RBFOX3: variants seen among roughly 807,000 people sequenced by gnomAD.
RBFOX3 encodes RNA binding fox-1 homolog 3, also known as RNA binding protein fox-1 homolog 3.
Under a neutral mutation model 48.7 loss-of-function variants are expected in RBFOX3, and 17 were observed. That is an observed-to-expected ratio of 0.35 (90% CI 0.24 to 0.52). The LOEUF is 0.52. Among genes scored for constraint, RBFOX3 ranks in the 20% least tolerant of loss-of-function variants. The pLI is 0.94. For missense variants in RBFOX3, 382 were observed against 497.5 expected (o/e 0.77, Z 2.21); for synonymous variants, 212 against 209.5 (o/e 1.01, Z -0.10).
intron 4 of RBFOX3, among the ~76,000 whole-genome samples, chr17:79,167,473 A>G (rs1348186327): frequency 6.6e-6 from 1 of 151,868 alleles, no homozygotes; most frequent in Non-Finnish European, 1.5e-5. Context: ...CCTTGGCTCT[A>G]GTGGGGCCGC....
intron 4 of RBFOX3, among the ~76,000 whole-genome samples, chr17:79,143,380 T>TGGGGGGGGGGG (rs201977497): frequency 2.1e-4 from 5 of 23,266 alleles, no homozygotes; most frequent in African/African-American, 4.2e-4. Flanking sequence ...GAGCGGGGGG[T>TGGGGGGGGGGG]GGGGGGGGGT....
the RBFOX3 span, among the ~76,000 whole-genome samples, chr17:79,647,715 A>G: frequency 6.6e-6 from 1 of 152,274 alleles, no homozygotes; most frequent in East Asian, 1.9e-4. Flanking sequence ...GGCACAGCGC[A>G]TGACCAGGGC....
At chr17:79,170,124 A>AAGGGAGG (rs2048885143) in intron 4 of RBFOX3, among the ~76,000 whole-genome samples, 3 of 143,938 alleles carry the variant, frequency 2.1e-5, no homozygotes, top group African/African-American at 8.1e-5. Context: ...GGAAGGAAGG[A>AAGGGAGG]AGGAAGGAGG....
At chr17:79,277,006 T>A (rs2144121158) in intron 3 of RBFOX3, among the ~76,000 whole-genome samples, 2 of 152,326 alleles carry the variant, frequency 1.3e-5, no homozygotes, top group Middle Eastern at 3.4e-3. Context: ...AGTGAGCACA[T>A]GATGACGTCA....
rs1329985576 is a variant in RBFOX3, at chr17:79,418,642, G to T, written c.-175+63812C>A. 6.6e-6 allele frequency among the ~76,000 whole-genome samples: 1 copy of T among 152,218 alleles called. No individual in the cohort carries two copies. On this transcript the variant is annotated intron_variant, in intron 2 of 14. Transcript: ENST00000693108. The surrounding 1 kb of genome is among the most constrained non-coding windows in gnomAD (Gnocchi z 5.0). ...TCTGGGAGAAAATCAGGAAGTGGCAGACTAAGACCAAGACAGAGAGGGATG... is the reference window on the plus strand; with the variant it reads ...TCTGGGAGAAAATCAGGAAGTGGCATACTAAGACCAAGACAGAGAGGGATG...
chr17:79,412,618 G>C (rs533911703), intron 2 of RBFOX3, among the ~76,000 whole-genome samples: 2 of 150,956 alleles, frequency 1.3e-5, no homozygotes, highest in Admixed American at 6.6e-5. Flanking sequence ...ATGGTGTTAT[G>C]TGTGTGTGAA....
rs143501416 is a variant in RBFOX3, at chr17:79,381,990, T to C, written c.-174-74166A>G. On this transcript the variant is annotated intron_variant, in intron 2 of 14. Transcript: ENST00000693108. ...TCTCCAAGGACAGCTCAGTGCTCCA[T>C]GCACTCCGATACCCTTCCAACAGCA... Among the ~76,000 whole-genome samples the C allele has an allele frequency of 3.6e-3, 550 of 152,290 alleles. 5 individuals carry two copies. Among genetic ancestry groups the C allele is most frequent in the African/African-American group, 0.013 (532 of 41,568 alleles).
chr17:79,254,191 T>C lies in RBFOX3; in HGVS notation c.-73-18386A>G, dbSNP rs2064412885. 6.6e-6 allele frequency among the ~76,000 whole-genome samples: 1 copy of C among 152,150 alleles called. No individual in the cohort carries two copies. Among genetic ancestry groups the C allele is most frequent in the Non-Finnish European group, 1.5e-5 (1 of 68,022 alleles). The stretch of plus-strand genomic sequence containing the variant: ...GAAGTCATTTGCTGAGTTTTGCAGT[T>C]CATGAGAGTGAAAGTGATTTTCCAG... On this transcript the variant is annotated intron_variant, in intron 3 of 14. Transcript: ENST00000693108. This position sits in a 1 kb window ranked among gnomAD's most constrained non-coding sequence, Gnocchi z 4.8.
At chr17:79,484,061 G>A (rs1233342132) in intron 1 of RBFOX3, among the ~76,000 whole-genome samples, 1 of 152,214 alleles carries the variant, frequency 6.6e-6, no homozygotes, top group African/African-American at 2.4e-5. Flanking sequence ...ATTAGCCTGA[G>A]AGACTGTCTC....
chr17:79,463,230 C>A (rs1555750536), intron 2 of RBFOX3, among the ~76,000 whole-genome samples: 1 of 140,340 alleles, frequency 7.1e-6, no homozygotes, highest in Non-Finnish European at 1.6e-5. Context: ...GCCATCGCCA[C>A]TGCCACTGCC....
rs1555774639 is a variant in RBFOX3, at chr17:79,495,578, T to TGCGGGAAG, written c.-319-12981_-319-12980insCTTCCCGC. Among the ~76,000 whole-genome samples the TGCGGGAAG allele has an allele frequency of 2.2e-3, 15 of 6,824 alleles. 1 individual carries two copies. Among genetic ancestry groups the TGCGGGAAG allele is most frequent in the African/African-American group, 0.011 (11 of 1,022 alleles). The allele number at this position is 6,824 out of a possible 152,430, so 4.5% of individuals were successfully genotyped here. ...GGGGTACTGGGGGCAGGGATGGGGA[T>TGCGGGAAG]GTGGGAAGGTGGGGGAGGGGTACAG... On this transcript the variant is annotated intron_variant, in intron 1 of 14. Transcript: ENST00000693108.
At chr17:79,141,804 C>G (rs200919920) in intron 4 of RBFOX3, among the ~76,000 whole-genome samples, 2 of 152,100 alleles carry the variant, frequency 1.3e-5, no homozygotes, top group Non-Finnish European at 2.9e-5. Flanking sequence ...CACAGTGCCC[C>G]CCGGTCGCAA....
chr17:79,399,062 C>T (rs1268500647), intron 2 of RBFOX3, among the ~76,000 whole-genome samples: 2 of 152,124 alleles, frequency 1.3e-5, no homozygotes, highest in African/African-American at 4.8e-5. Context: ...GTTGGAGTGA[C>T]GCGGCTACAA....
chr17:79,284,939 GAGA>G (rs1006728050), intron 3 of RBFOX3, among the ~76,000 whole-genome samples: 3 of 152,180 alleles, frequency 2.0e-5, no homozygotes, highest in African/African-American at 4.8e-5. Context: ...GGTGTTCGGA[GAGA>G]AGAAGGGCAG....
intron 2 of RBFOX3, among the ~76,000 whole-genome samples, chr17:79,378,134 G>T (rs1033276756): frequency 2.6e-5 from 4 of 152,128 alleles, no homozygotes; most frequent in Non-Finnish European, 4.4e-5. Flanking sequence ...CTCATAGGGG[G>T]GGCGCATCAG....
At chr17:79,585,945 G>A (rs2144942580) in intron 1 of RBFOX3, among the ~76,000 whole-genome samples, 1 of 152,330 alleles carries the variant, frequency 6.6e-6, no homozygotes, top group African/African-American at 2.4e-5. Context: ...ACCCCCAGCT[G>A]AGCTCCTGCA....
At chr17:79,573,395 C>T (rs2092747711) in intron 1 of RBFOX3, among the ~76,000 whole-genome samples, 3 of 152,312 alleles carry the variant, frequency 2.0e-5, no homozygotes, top group South Asian at 2.1e-4. Context: ...AGTCCCCAGC[C>T]GTGCTTTGAG....
chr17:79,271,366 G>A (rs550555474), intron 3 of RBFOX3, among the ~76,000 whole-genome samples: 3 of 152,282 alleles, frequency 2.0e-5, no homozygotes, highest in South Asian at 2.1e-4. Context: ...GTGAGCCACC[G>A]TGCCCGGCCT....
chr17:79,506,348 C>T (rs1162748448), intron 1 of RBFOX3, among the ~76,000 whole-genome samples: 5 of 152,168 alleles, frequency 3.3e-5, no homozygotes, highest in Non-Finnish European at 7.3e-5. Context: ...TACACGGACT[C>T]GGCTCATCCT....
Sources: allele counts gnomAD v4.1 joint callset (sites outside exome capture counted in the v4.1 genomes callset), GRCh38; gene constraint gnomAD v4.1.1; non-coding constraint Gnocchi (gnomAD v3.1); transcripts MANE v1.5; gene names NCBI Gene and HGNC (gene_info 2026-07-23, HGNC 2026-07-21).